Variants in TOM1 observed in about 807,000 individuals in gnomAD.
The protein encoded by TOM1 is target of myb1 membrane trafficking protein.
In TOM1, 38 loss-of-function variants were observed where a neutral mutation model predicts 61.3. The observed-to-expected ratio is 0.62, with a 90% CI of 0.48 to 0.81. The LOEUF (loss-of-function observed/expected upper bound fraction) is 0.81. Ranked by LOEUF, TOM1 falls within the 40% of genes least tolerant of loss-of-function variation. The pLI is 0.00. For synonymous variants in TOM1, 270 were observed against 268.8 expected (o/e 1.00, Z -0.04); for missense variants, 591 against 659.6 (o/e 0.90, Z 1.14).
Position 35,322,384 on chromosome 22 carries a change from G to A in TOM1, c.216+347G>A, listed in dbSNP as rs145512529. 543 of 281,110 alleles carry A rather than the reference G, an allele frequency of 1.9e-3. 2 individuals are homozygous for A. Among genetic ancestry groups the A allele is most frequent in the African/African-American group, 0.011 (485 of 45,724 alleles). The allele number at this position is 281,110 out of a possible 1,614,324, so 17.4% of individuals were successfully genotyped here. On this transcript the variant is annotated intron_variant, in intron 3 of 14. Coordinates refer to ENST00000449058, the MANE Select transcript of TOM1 (RefSeq NM_005488.3). ...CGGCTGACTGAGTTGGGTGCTGCTC[G>A]GCACTTTGGTGCTCTGGCAAATGAA...
intron 12 of TOM1, among the ~76,000 whole-genome samples, chr22:35,343,857 T>C (rs2145731093): frequency 7.5e-6 from 1 of 133,654 alleles, no homozygotes; most frequent in East Asian, 2.4e-4. Flanking sequence ...TACACACCCC[T>C]GCATATACCA....
At chr22:35,313,034 G>A (rs1216607869) in intron 1 of TOM1, among the ~76,000 whole-genome samples, 4 of 152,130 alleles carry the variant, frequency 2.6e-5, no homozygotes, top group Admixed American at 2.6e-4. Flanking sequence ...TTCCCAGAAG[G>A]CTGGTGTGGA....
intron 1 of TOM1, among the ~76,000 whole-genome samples, chr22:35,309,818 C>T (rs113107433): frequency 6.6e-6 from 1 of 152,108 alleles, no homozygotes; most frequent in Non-Finnish European, 1.5e-5. Context: ...CGGTAGGAAG[C>T]ACAGGTGAAA....
chr22:35,330,668 A>G (rs1362639824), intron 8 of TOM1, among the ~76,000 whole-genome samples, 188 bp downstream of exon 8: 1 of 152,034 alleles, frequency 6.6e-6, no homozygotes, highest in East Asian at 1.9e-4. Flanking sequence ...CCCTCCTTCC[A>G]GCCGCCCTGT....
rs936791901 is a variant in TOM1 at position 35,318,145 on chromosome 22, G to T, written c.137+184G>T. On this transcript the variant is annotated intron_variant, in intron 2 of 14. Transcript: ENST00000449058. Reference sequence around the variant, plus strand: ...AGTACCTGAGCCCCATCCAAGGTAGGAATTCACAGCTGGCCCCTGGGGGCT... The same window carrying T: ...AGTACCTGAGCCCCATCCAAGGTAGTAATTCACAGCTGGCCCCTGGGGGCT... The T allele has an allele frequency of 4.4e-5, 26 of 595,866 alleles. No individual in the cohort carries two copies. In the African/African-American group the frequency reaches 4.8e-4, roughly 11 times the overall value. The allele number at this position is 595,866 out of a possible 1,614,324, so 36.9% of individuals were successfully genotyped here. A position where few individuals can be genotyped will look rare whatever the true frequency, so the allele number is the denominator to read the frequency against.
chr22:35,343,835 C>G (rs1399449137), intron 12 of TOM1, among the ~76,000 whole-genome samples: 1 of 149,120 alleles, frequency 6.7e-6, no homozygotes, highest in African/African-American at 2.5e-5. Flanking sequence ...CACCTACATT[C>G]ATACACCTAC....
At chr22:35,312,030 G>T (rs1926871896) in intron 1 of TOM1, among the ~76,000 whole-genome samples, 1 of 152,058 alleles carries the variant, frequency 6.6e-6, no homozygotes, top group Admixed American at 6.6e-5. Flanking sequence ...CGAGGCGGGT[G>T]GATCACAAGG....
At chr22:35,345,653 C>A (rs1930438905) in intron 12 of TOM1, 72 bp from the exon 13 acceptor site, 5 of 1,498,916 alleles carry the variant, frequency 3.3e-6, no homozygotes, top group Non-Finnish European at 3.7e-6. Flanking sequence ...CACCCAGCTG[C>A]AGGGTGCTGA....
chr22:35,302,491 CA>C (rs1300712431), intron 1 of TOM1, among the ~76,000 whole-genome samples: 1 of 151,818 alleles, frequency 6.6e-6, no homozygotes, highest in African/African-American at 2.4e-5. Flanking sequence ...CACGCTCCGC[CA>C]CACCCGACTA....
At chr22:35,342,347 G>GCACA (rs1929943220) in intron 12 of TOM1, among the ~76,000 whole-genome samples, 1 of 152,084 alleles carries the variant, frequency 6.6e-6, no homozygotes, top group Non-Finnish European at 1.5e-5. Context: ...AACCAGCCAG[G>GCACA]CACAGGGTGA....
At chr22:35,335,661 T>C (rs1929247672) in intron 11 of TOM1, 1 of 154,858 alleles carries the variant, frequency 6.5e-6, no homozygotes, top group Non-Finnish European at 1.5e-5. Context: ...GCGCTGTCCT[T>C]CCTCTGGGGA....
At chr22:35,336,358 A>C (rs1019345154) in intron 11 of TOM1, among the ~76,000 whole-genome samples, 15 of 152,048 alleles carry the variant, frequency 9.9e-5, no homozygotes, top group African/African-American at 3.6e-4. Flanking sequence ...CTTGGTGTCC[A>C]GCCCGCTCCT....
rs762272840 is a variant in TOM1 at position 35,323,644 on chromosome 22, C to A, written c.501+14C>A. On this transcript the variant is annotated intron_variant, in intron 5 of 14. Coordinates refer to ENST00000449058, the MANE Select transcript of TOM1 (RefSeq NM_005488.3). The surrounding 1 kb of genome is among the most constrained non-coding windows in gnomAD (Gnocchi z 4.2). ...ACACCCCAGAGGGTGAGAGAACTGC[C>A]GTACCGGGAACCAAGGGAAGGGAGG... 1.9e-6 allele frequency: 3 copies of A among 1,613,986 alleles called. No individual in the cohort carries two copies. The highest frequency in any genetic ancestry group is 1.7e-5 in the Admixed American group (1 of 60,004).
intron 1 of TOM1, among the ~76,000 whole-genome samples, chr22:35,304,469 G>GTTTTGTT (rs1054517987): frequency 6.6e-6 from 1 of 152,104 alleles, no homozygotes; most frequent in Non-Finnish European, 1.5e-5. Context: ...TACTGGATCT[G>GTTTTGTT]TTTTGTTTTT....
chr22:35,299,687 C>A, upstream of TOM1: 1 of 561,266 alleles, frequency 1.8e-6, no homozygotes, highest in Non-Finnish European at 3.2e-6. Context: ...CGGGCCCCGA[C>A]CCCAGACCCT....
In TOM1 at chr22:35,327,353, C is replaced by G; in HGVS notation, c.731C>G (p.Thr244Ser). ...MSEMLTELVP[T>S]QAEPADLELL... Reference sequence around the variant, plus strand: ...GAGATGCTGACGGAGCTGGTGCCCACCCAGGCCGAGCCCGCAGACCTGGAG... The same window carrying G: ...GAGATGCTGACGGAGCTGGTGCCCAGCCAGGCCGAGCCCGCAGACCTGGAG... The change falls in exon 7 of 15, where the codon ACC (threonine) becomes AGC (serine). Residue 244 changes from threonine to serine, a missense_variant. Physicochemically the swap from Thr to Ser is moderately conservative, Grantham distance 58. Transcript: ENST00000449058. 1 of 1,613,784 alleles carries G rather than the reference C, an allele frequency of 6.2e-7. No homozygotes were observed. The highest frequency in any genetic ancestry group is 8.5e-7 in the Non-Finnish European group (1 of 1,180,006).
intron 12 of TOM1, 150 bp from the exon 13 acceptor site, chr22:35,345,575 C>A: frequency 1.4e-6 from 1 of 720,416 alleles, no homozygotes; most frequent in Non-Finnish European, 2.4e-6. Flanking sequence ...CACAGCCTGG[C>A]ACAGCGGGCC....
chr22:35,316,366 G>A (rs1355691155), intron 1 of TOM1, among the ~76,000 whole-genome samples: 1 of 152,268 alleles, frequency 6.6e-6, no homozygotes, highest in African/African-American at 2.4e-5. Flanking sequence ...CTGTGTGCAC[G>A]TGGTTGACGC....
chr22:35,315,330 G>C (rs1404432907), intron 1 of TOM1, among the ~76,000 whole-genome samples: 4 of 152,164 alleles, frequency 2.6e-5, no homozygotes, highest in Non-Finnish European at 5.9e-5. Context: ...GGCTTGCTGA[G>C]ATGTGGCCTG....
Sources: gnomAD v4.1 joint callset for allele counts (sites outside exome capture counted in the v4.1 genomes callset) on GRCh38, gnomAD v4.1.1 for gene constraint, Gnocchi (gnomAD v3.1) non-coding constraint, MANE v1.5 for transcripts, NCBI Gene and HGNC (gene_info 2026-07-23, HGNC 2026-07-21) for gene names.